ANKRD30A: variants seen among roughly 807,000 people sequenced by gnomAD.
ANKRD30A encodes the protein ankyrin repeat domain 30A, also known as ankyrin repeat domain-containing protein 30A.
Under a neutral mutation model 166.3 loss-of-function variants are expected in ANKRD30A, and 170 were observed. The observed-to-expected ratio is 1.02, with a 90% CI of 0.90 to 1.16. The LOEUF (loss-of-function observed/expected upper bound fraction) is 1.16. Ranked by LOEUF, ANKRD30A falls within the 50% of genes most tolerant of loss-of-function variation. ANKRD30A has a pLI of 0.00. For missense variants in ANKRD30A, 1,630 were observed against 1,518.0 expected, an observed-to-expected ratio of 1.07 and a Z score of -1.23; for synonymous variants, 564 against 508.9, an observed-to-expected ratio of 1.11 and a Z score of -1.46.
chr10:37,130,975 TTATAA>T (rs1836347869), intron 3 of ANKRD30A, among the ~76,000 whole-genome samples: 1 of 152,178 alleles, frequency 6.6e-6, no homozygotes, highest in South Asian at 2.1e-4. Context: ...TGATAGGTAT[TTATAA>T]TATATAGTTT....
chr10:37,253,126 C>T, the ANKRD30A span, among the ~76,000 whole-genome samples: 47 of 152,242 alleles, frequency 3.1e-4, no homozygotes, highest in East Asian at 2.5e-3. Context: ...AAGTGGAAAG[C>T]GAAGGCACAC....
the ANKRD30A span, among the ~76,000 whole-genome samples, chr10:37,244,219 A>C: frequency 6.6e-6 from 1 of 152,136 alleles, no homozygotes; most frequent in Non-Finnish European, 1.5e-5. Context: ...TTTAATCTAA[A>C]TTAGAAGTGT....
chr10:37,232,759 C>T (rs1461097104), downstream of ANKRD30A, among the ~76,000 whole-genome samples: 8 of 136,112 alleles, frequency 5.9e-5, no homozygotes, highest in Non-Finnish European at 1.1e-4. Context: ...AAACTATATG[C>T]AGTCATCCTA....
At chr10:37,204,544 G>C (rs1479103902) in intron 31 of ANKRD30A, among the ~76,000 whole-genome samples, 1 of 152,088 alleles carries the variant, frequency 6.6e-6, no homozygotes, top group African/African-American at 2.4e-5. Flanking sequence ...ATACCATTCA[G>C]GACAAAGGCA....
intron 35 of ANKRD30A, 147 bp from the exon 36 acceptor site, chr10:37,232,352 T>C (rs1843449998): frequency 6.6e-6 from 1 of 151,616 alleles, no homozygotes; most frequent in African/African-American, 2.4e-5. Context: ...AGCTTGAAAA[T>C]AGCTAAATCA....
intron 5 of ANKRD30A, among the ~76,000 whole-genome samples, chr10:37,135,879 C>A (rs952487173): frequency 8.4e-4 from 128 of 152,272 alleles, no homozygotes; most frequent in Non-Finnish European, 2.2e-4. Flanking sequence ...AATAGAACAT[C>A]TAATAACCAA....
intron 6 of ANKRD30A, among the ~76,000 whole-genome samples, chr10:37,139,226 C>G (rs1021112569): frequency 6.6e-6 from 1 of 152,180 alleles, no homozygotes; most frequent in African/African-American, 2.4e-5. Flanking sequence ...AGGGGTCTGT[C>G]CTGCAGATGG....
intron 33 of ANKRD30A, 127 bp downstream of exon 33, chr10:37,218,005 A>G: frequency 1.7e-6 from 1 of 584,810 alleles, no homozygotes; most frequent in Non-Finnish European, 2.7e-6. Flanking sequence ...CTTAAAATTA[A>G]CTATCACATT....
At chr10:37,250,006 G>A in the ANKRD30A span, among the ~76,000 whole-genome samples, 1 of 152,158 alleles carries the variant, frequency 6.6e-6, no homozygotes, top group Admixed American at 6.5e-5. Context: ...GAGGGAGTGT[G>A]TTTTGAGAGG....
At chr10:37,252,538 C>A in the ANKRD30A span, among the ~76,000 whole-genome samples, 1 of 152,140 alleles carries the variant, frequency 6.6e-6, no homozygotes, top group Non-Finnish European at 1.5e-5. Flanking sequence ...ATAATTCTCT[C>A]CTGGAAATTT....
chr10:37,194,810 C>G (rs545950408), intron 27 of ANKRD30A, among the ~76,000 whole-genome samples: 9 of 152,088 alleles, frequency 5.9e-5, no homozygotes, highest in Non-Finnish European at 1.2e-4. Context: ...ATTAGACCGT[C>G]TTTTCTAGCC....
chr10:37,161,848 T>A (rs1215771677), intron 15 of ANKRD30A, among the ~76,000 whole-genome samples: 1 of 152,212 alleles, frequency 6.6e-6, no homozygotes, highest in Non-Finnish European at 1.5e-5. Flanking sequence ...AGACTAATGA[T>A]ACACCGAACC....
intron 6 of ANKRD30A, among the ~76,000 whole-genome samples, chr10:37,139,906 C>G (rs1001444139): frequency 1.8e-4 from 27 of 152,298 alleles, no homozygotes; most frequent in African/African-American, 6.5e-4. Flanking sequence ...AGCTGAAAAT[C>G]TGCTTCATAT....
At chr10:37,204,462 T>A (rs1050536931) in intron 31 of ANKRD30A, among the ~76,000 whole-genome samples, 37 of 152,216 alleles carry the variant, frequency 2.4e-4, no homozygotes, top group African/African-American at 8.7e-4. Context: ...TATACAAAAA[T>A]TAATTCAAGA....
intron 8 of ANKRD30A, among the ~76,000 whole-genome samples, chr10:37,147,085 T>C (rs1837560665): frequency 6.6e-6 from 1 of 152,260 alleles, no homozygotes; most frequent in African/African-American, 2.4e-5. Flanking sequence ...TATTTTTAAG[T>C]GAGCTACTTT....
chr10:37,140,242 A>T (rs1405969040), intron 6 of ANKRD30A, among the ~76,000 whole-genome samples: 1 of 152,190 alleles, frequency 6.6e-6, no homozygotes, highest in African/African-American at 2.4e-5. Flanking sequence ...TCTGTCTGTT[A>T]GTGGGCTCCT....
intron 31 of ANKRD30A, among the ~76,000 whole-genome samples, chr10:37,210,445 A>G (rs1045712465): frequency 1.1e-4 from 17 of 152,126 alleles, no homozygotes; most frequent in African/African-American, 4.1e-4. Context: ...ATGTGTCTTT[A>G]TAATAGAATG....
rs770918203 is a variant in ANKRD30A, at chr10:37,165,168, G to A, written c.2064+13G>A. The A allele has an allele frequency of 1.2e-5, 20 of 1,600,228 alleles. No individual in the cohort carries two copies. The highest frequency in any genetic ancestry group is 1.7e-5 in the Admixed American group (1 of 59,706). On this transcript the variant is annotated intron_variant, in intron 18 of 35. Coordinates refer to ENST00000361713, the MANE Select transcript of ANKRD30A (RefSeq NM_052997.3). ...TTGGGATACTGAGGTACTGTGTGTT[G>A]TTGATTTTTTTAAATATTAGTATTG...
chr10:37,198,135 A>G (rs1243041701), intron 29 of ANKRD30A, among the ~76,000 whole-genome samples: 2 of 152,100 alleles, frequency 1.3e-5, no homozygotes, highest in East Asian at 3.8e-4. Context: ...AGTACCATTT[A>G]TTGCCCAGAA....
Sources: gnomAD v4.1 joint callset for allele counts (sites outside exome capture counted in the v4.1 genomes callset) on GRCh38, gnomAD v4.1.1 for gene constraint, MANE v1.5 for transcripts, NCBI Gene and HGNC (gene_info 2026-07-23, HGNC 2026-07-21) for gene names.